Variants in ELAPOR1 observed in about 807,000 individuals in gnomAD.
The protein encoded by ELAPOR1 is endosome-lysosome associated apoptosis and autophagy regulator 1.
A neutral mutation model predicts 119.7 loss-of-function variants in ELAPOR1; 77 were observed. The ratio of observed to expected loss-of-function variants is 0.64; its 90% CI spans 0.54 to 0.78. The LOEUF is 0.78. Among genes scored for constraint, ELAPOR1 ranks in the 30% least tolerant of loss-of-function variants. The pLI, the probability that ELAPOR1 is intolerant of heterozygous loss-of-function variation, is 0.00. For missense variants in ELAPOR1, 1,115 were observed against 1,270.4 expected (o/e 0.88, Z 1.86); for synonymous variants, 481 against 487.2 (o/e 0.99, Z 0.17).
chr1:109,189,308 T>C, intron 10 of ELAPOR1, 114 bp downstream of exon 10: 1 of 1,318,706 alleles, frequency 7.6e-7, no homozygotes, highest in Non-Finnish European at 1.0e-6. Flanking sequence ...AACCATGTCA[T>C]GCATTCCCTT....
intron 16 of ELAPOR1, 82 bp downstream of exon 16, chr1:109,197,736 T>C (rs1653918200): frequency 1.4e-6 from 2 of 1,408,782 alleles, no homozygotes; most frequent in Non-Finnish European, 1.9e-6. Flanking sequence ...AGTGTGAGGT[T>C]ACCAGTCTGG....
intron 7 of ELAPOR1, among the ~76,000 whole-genome samples, chr1:109,176,059 G>A (rs1325127294): frequency 1.3e-5 from 2 of 152,092 alleles, no homozygotes; most frequent in East Asian, 3.9e-4. Context: ...GGGAAATCTA[G>A]GTTTCCTTGT....
rs774398734 is a variant in ELAPOR1, at chr1:109,171,943, A to G, written c.545A>G (p.Asn182Ser). 7 of 1,614,210 alleles carry G rather than the reference A, an allele frequency of 4.3e-6. No homozygotes were observed. In the South Asian group the frequency reaches 5.5e-5, roughly 13 times the overall value. ...ECTATLMYAV[N>S]LKQSGTVNFE... ...ACAGCCACACTGATGTACGCCGTCAACCTGAAGCAATCTGGCACCGTTAAC... is the reference window on the plus strand; with the variant it reads ...ACAGCCACACTGATGTACGCCGTCAGCCTGAAGCAATCTGGCACCGTTAAC... The change falls in exon 4 of 22, where the codon AAC (asparagine) becomes AGC (serine). Residue 182 changes from asparagine (N) to serine (S), a missense_variant. By Grantham distance (46) the Asn-to-Ser change is conservative. Transcript: ENST00000369939.
At chr1:109,174,962 G>A (rs576999601) in intron 7 of ELAPOR1, among the ~76,000 whole-genome samples, 4 of 152,034 alleles carry the variant, frequency 2.6e-5, no homozygotes, top group Non-Finnish European at 5.9e-5. Context: ...TGATCCGCCC[G>A]CCTCAGCCTC....
chr1:109,170,504 A>G (rs1034811440), intron 3 of ELAPOR1, among the ~76,000 whole-genome samples: 17 of 152,210 alleles, frequency 1.1e-4, no homozygotes, highest in African/African-American at 3.9e-4. Context: ...AAGACACAGT[A>G]GGAGTTAAAC....
At chr1:109,177,993 G>A (rs1652450873) in intron 7 of ELAPOR1, among the ~76,000 whole-genome samples, 1 of 147,074 alleles carries the variant, frequency 6.8e-6, no homozygotes, top group South Asian at 2.2e-4. Flanking sequence ...TGAGAAGTGA[G>A]TTTTTTCTTT....
In ELAPOR1 at chr1:109,141,279, G is replaced by T. The variant is rs1347346937; in HGVS notation, c.154-20615G>T. 6.8e-5 allele frequency among the ~76,000 whole-genome samples: 10 copies of T among 147,158 alleles called. No homozygotes were observed. In the South Asian group the frequency reaches 8.6e-4, roughly 13 times the overall value. ...AAGTATTATTAATTAATTTTTTTTT[G>T]AGACTGTGTCTCACTCTGTTGCCCA... On this transcript the variant is annotated intron_variant, in intron 1 of 21. Transcript: ENST00000369939.
At chr1:109,137,547 G>C (rs1316329725) in intron 1 of ELAPOR1, among the ~76,000 whole-genome samples, 4 of 144,210 alleles carry the variant, frequency 2.8e-5, no homozygotes, top group Non-Finnish European at 6.1e-5. Flanking sequence ...TATTTTTTGA[G>C]GCGGAGTTTC....
Position 109,173,474 on chromosome 1 carries a change from G to A in ELAPOR1, c.697G>A (p.Val233Met), listed in dbSNP as rs747680761. 7.4e-6 allele frequency: 12 copies of A among 1,613,138 alleles called. No homozygotes were observed. Among genetic ancestry groups the A allele is most frequent in the South Asian group, 1.1e-5 (1 of 90,914 alleles). ...GAATGCTCCTGTTTGTGGTTTTTAG[G>A]TGGAGCTAAATCGAGGCAATAATGT... is the stretch of plus-strand genomic sequence containing the variant. ...TTEKGWEFHSVELNRGNNVLY... is the reference protein window; with the variant it reads ...TTEKGWEFHSMELNRGNNVLY... The change falls in exon 6 of 22, where the codon GTG becomes ATG. Residue 233 changes from valine (V) to methionine (M), a missense_variant and splice_region_variant. Transcript: ENST00000369939.
In ELAPOR1 at chr1:109,192,648, C is replaced by A. The variant is rs1450612646; in HGVS notation, c.1721C>A (p.Ser574Tyr). The part of the protein sequence containing the change: ...KYTNDVAKIY[S>Y]INVTNVMNGV... ...ACCAATGACGTTGCCAAGATCTACT[C>A]CATCAATGTCACCAATGTTATGAAT... is the stretch of plus-strand genomic sequence containing the variant. The change falls in exon 14 of 22, where the codon TCC becomes TAC. Residue 574 changes from serine to tyrosine, a missense_variant. Transcript: ENST00000369939. 12 of 1,614,182 alleles carry A rather than the reference C, an allele frequency of 7.4e-6. No individual in the cohort carries two copies. The highest frequency in any genetic ancestry group is 1.0e-5 in the Non-Finnish European group (12 of 1,180,028).
At chr1:109,191,249 C>T (rs760398994) in intron 11 of ELAPOR1, 117 bp from the exon 12 acceptor site, 29 of 669,574 alleles carry the variant, frequency 4.3e-5, no homozygotes, top group Admixed American at 8.0e-5. Context: ...AGTCCACACG[C>T]TTTCCATCAT....
chr1:109,148,382 G>A (rs918582029), intron 1 of ELAPOR1, among the ~76,000 whole-genome samples: 12 of 149,716 alleles, frequency 8.0e-5, no homozygotes, highest in Non-Finnish European at 1.6e-4. Context: ...CAGGTGATCC[G>A]CCCACCTCAG....
chr1:109,200,279 G>A (rs367851199), intron 20 of ELAPOR1, 42 bp downstream of exon 20: 43 of 1,594,300 alleles, frequency 2.7e-5, no homozygotes, highest in Admixed American at 6.7e-5. Context: ...GACAGGGTTG[G>A]ATTATTGATC....
In ELAPOR1 at chr1:109,128,831, C is replaced by T. The variant is rs548494301; in HGVS notation, c.153+14495C>T. On this transcript the variant is annotated intron_variant, in intron 1 of 21. Transcript: ENST00000369939. ...AGTGGATCTAAACAGGCTCTTTGTA[C>T]CACTCTGCAAATTCTCTCATTTTCT... 1.2e-4 allele frequency among the ~76,000 whole-genome samples: 18 copies of T among 152,260 alleles called. 1 individual carries two copies. The highest frequency in any genetic ancestry group is 4.3e-4 in the African/African-American group (18 of 41,546).
At chr1:109,144,750 A>C (rs920479737) in intron 1 of ELAPOR1, among the ~76,000 whole-genome samples, 18 of 152,212 alleles carry the variant, frequency 1.2e-4, no homozygotes, top group Admixed American at 9.2e-4. Context: ...CTCAATAAAA[A>C]AAAAGAAATG....
intron 7 of ELAPOR1, among the ~76,000 whole-genome samples, chr1:109,176,326 AGAG>A (rs2101069465): frequency 6.6e-6 from 1 of 152,278 alleles, no homozygotes; most frequent in South Asian, 2.1e-4. Context: ...AAGAAGGGAG[AGAG>A]AAGCAGTCCC....
intron 12 of ELAPOR1, 27 bp downstream of exon 12, chr1:109,191,498 G>C: frequency 1.9e-6 from 3 of 1,595,444 alleles, no homozygotes; most frequent in Non-Finnish European, 2.6e-6. Flanking sequence ...TTGCCCGCTA[G>C]AGGGCCTCCA....
In ELAPOR1 at chr1:109,197,409, C is replaced by T. The variant is rs1237376919; in HGVS notation, c.2122-65C>T. The T allele has an allele frequency of 2.8e-6, 4 of 1,444,464 alleles. No homozygotes were observed. In the Admixed American group the frequency reaches 7.0e-5, roughly 25 times the overall value. The allele number at this position is 1,444,464 out of a possible 1,614,324, so 89.5% of individuals were successfully genotyped here. On this transcript the variant is annotated intron_variant, in intron 15 of 21. Coordinates refer to ENST00000369939, the MANE Select transcript of ELAPOR1 (RefSeq NM_020775.5). ...AGATGTAAAAAAGCCTTCCCTATTC[C>T]CTTCTGGGAATTCCTCTGTGACCAC... is the stretch of plus-strand genomic sequence containing the variant.
At chr1:109,144,252 A>G (rs890335123) in intron 1 of ELAPOR1, among the ~76,000 whole-genome samples, 7 of 150,100 alleles carry the variant, frequency 4.7e-5, no homozygotes, top group Non-Finnish European at 7.4e-5. Context: ...GGGCTTCTCC[A>G]TGTTTGCCAG....
Sources: gnomAD v4.1 joint callset for allele counts (sites outside exome capture counted in the v4.1 genomes callset) on GRCh38, gnomAD v4.1.1 for gene constraint, MANE v1.5 for transcripts, NCBI Gene and HGNC (gene_info 2026-07-23, HGNC 2026-07-21) for gene names.